The following ASTN2 variants were observed in gnomAD, a reference collection of about 807,000 sequenced individuals.
ASTN2 encodes the protein astrotactin 2.
In ASTN2, 54 loss-of-function variants were observed where a neutral mutation model predicts 139.8. That is an observed-to-expected ratio of 0.39 (90% confidence interval 0.31 to 0.48). The LOEUF (loss-of-function observed/expected upper bound fraction) is 0.48. ASTN2 is among the 20% of genes least tolerant of loss of function. The probability of loss-of-function intolerance (pLI) is 0.95; values close to 1 mark genes in which losing one functional copy is unlikely to be tolerated. For missense variants in ASTN2, 1,565 were observed against 1,725.1 expected (o/e 0.91, Z 1.64); for synonymous variants, 756 against 719.5 (o/e 1.05, Z -0.81).
chr9:116,999,695 G>A (rs7848727), intron 7 of ASTN2, among the ~76,000 whole-genome samples: 1 of 151,216 alleles, frequency 6.6e-6, no homozygotes, highest in Non-Finnish European at 1.5e-5. Flanking sequence ...AAGTAGCTGA[G>A]ATTATGGGCA....
At chr9:116,510,241 C>G (rs1386235569) in intron 19 of ASTN2, among the ~76,000 whole-genome samples, 1 of 152,186 alleles carries the variant, frequency 6.6e-6, no homozygotes, top group Non-Finnish European at 1.5e-5. Context: ...CCAGTTTTCC[C>G]AGCACCATTT....
At chr9:116,568,060 T>C (rs1853324126) in intron 19 of ASTN2, among the ~76,000 whole-genome samples, 1 of 152,238 alleles carries the variant, frequency 6.6e-6, no homozygotes, top group Admixed American at 6.5e-5. Context: ...GCTGAAACTA[T>C]AATTCAGGTA....
intron 19 of ASTN2, among the ~76,000 whole-genome samples, chr9:116,553,604 G>A (rs1042609085): frequency 1.3e-5 from 2 of 152,154 alleles, no homozygotes. Context: ...ATTGGCTTGG[G>A]GATCAGGAAG....
rs1414191285 is a variant in ASTN2, at chr9:116,692,333, T to C, written c.2806+33438A>G. On this transcript the variant is annotated intron_variant, in intron 16 of 22. Transcript: ENST00000313400. The stretch of plus-strand genomic sequence containing the variant: ...ATCTGGGGCCTTGGGTACAGTCTGC[T>C]GAAAAGTGCCTATTCATTTCTTCTA... 5.9e-5 allele frequency among the ~76,000 whole-genome samples: 9 copies of C among 152,228 alleles called. No homozygotes were observed. In the East Asian group the frequency reaches 1.2e-3, roughly 20 times the overall value.
intron 22 of ASTN2, among the ~76,000 whole-genome samples, chr9:116,439,594 C>T (rs1239103976): frequency 1.3e-5 from 2 of 152,130 alleles, no homozygotes; most frequent in Non-Finnish European, 1.5e-5. Flanking sequence ...AAGTGGTAGG[C>T]AAGTGATCAA....
intron 6 of ASTN2, among the ~76,000 whole-genome samples, chr9:117,015,566 C>A (rs1472405644): frequency 6.6e-6 from 1 of 152,172 alleles, no homozygotes; most frequent in Non-Finnish European, 1.5e-5. Context: ...ATCCACTCCC[C>A]AGATACCAAG....
intron 19 of ASTN2, among the ~76,000 whole-genome samples, chr9:116,490,272 TAAAAAAAAAAAAAA>T (rs140391473): frequency 5.0e-4 from 19 of 37,906 alleles, no homozygotes; most frequent in Admixed American, 1.9e-3. Flanking sequence ...TGATAAAAAG[TAAAAAAAAAAAAAA>T]AAAAAAAAAA....
At chr9:117,340,331 CAAAAAAAAA>C (rs56228779) in intron 1 of ASTN2, among the ~76,000 whole-genome samples, 6 of 40,210 alleles carry the variant, frequency 1.5e-4, no homozygotes, top group African/African-American at 5.2e-4. Context: ...GACTCAGTCT[CAAAAAAAAA>C]AAAAAAAAAA....
chr9:117,405,630 C>A (rs1830961502), intron 1 of ASTN2, among the ~76,000 whole-genome samples: 1 of 152,170 alleles, frequency 6.6e-6, no homozygotes, highest in Non-Finnish European at 1.5e-5. Flanking sequence ...GATCTGGCAT[C>A]TGCTTTACCA....
chr9:116,794,861 T>C (rs1830650211), intron 13 of ASTN2, among the ~76,000 whole-genome samples: 1 of 152,216 alleles, frequency 6.6e-6, no homozygotes, highest in African/African-American at 2.4e-5. Context: ...GCGAGACTGA[T>C]GTGCAGTCCA....
intron 19 of ASTN2, among the ~76,000 whole-genome samples, chr9:116,535,109 T>C (rs1049547405): frequency 1.3e-5 from 2 of 152,246 alleles, no homozygotes; most frequent in Non-Finnish European, 2.9e-5. Flanking sequence ...CCTTTACCAT[T>C]ATGTAATGGC....
chr9:116,961,293 CCAT>C (rs1008196241), intron 10 of ASTN2, among the ~76,000 whole-genome samples: 75 of 149,954 alleles, frequency 5.0e-4, no homozygotes, highest in African/African-American at 1.8e-3. Context: ...TATTGGTGTG[CCAT>C]CATCACCACC....
intron 1 of ASTN2, among the ~76,000 whole-genome samples, chr9:117,412,642 A>G (rs1831199900): frequency 6.6e-6 from 1 of 152,150 alleles, no homozygotes; most frequent in Non-Finnish European, 1.5e-5. Context: ...GGCCATACCC[A>G]AGGACCGTCT....
chr9:116,606,053 C>T (rs1855179965), intron 19 of ASTN2, among the ~76,000 whole-genome samples: 1 of 152,120 alleles, frequency 6.6e-6, no homozygotes, highest in Non-Finnish European at 1.5e-5. Context: ...TTCTTACTCC[C>T]ACATCTACCC....
chr9:117,003,974 G>A (rs1366164675), intron 7 of ASTN2, among the ~76,000 whole-genome samples: 27 of 148,532 alleles, frequency 1.8e-4, no homozygotes, highest in Admixed American at 1.7e-3. Flanking sequence ...GTGTGTGTGT[G>A]TGTTTTGCGT....
intron 1 of ASTN2, among the ~76,000 whole-genome samples, chr9:117,368,241 G>A (rs567133262): frequency 6.6e-6 from 1 of 152,052 alleles, no homozygotes; most frequent in South Asian, 2.1e-4. Context: ...CAAATAGGGG[G>A]GTTTTGGAAA....
At chr9:117,287,879 C>G (rs932801145) in intron 2 of ASTN2, among the ~76,000 whole-genome samples, 1 of 152,138 alleles carries the variant, frequency 6.6e-6, no homozygotes, top group Non-Finnish European at 1.5e-5. Flanking sequence ...ACTCTTTTCT[C>G]CACTCTTTTC....
chr9:116,932,964 C>T (rs912069018), intron 10 of ASTN2, among the ~76,000 whole-genome samples: 1 of 140,008 alleles, frequency 7.1e-6, no homozygotes, highest in Non-Finnish European at 1.5e-5. Flanking sequence ...CAAGATTGAG[C>T]CACTGCACTC....
In ASTN2 at chr9:116,879,386, G is replaced by A. The variant is rs573791385; in HGVS notation, c.1890-15653C>T. Reference sequence around the variant, plus strand: ...AGACAGACAGACAGACAGACAGACAGAGAATTCATTGTTTTGAACCTGAGG... The same window carrying A: ...AGACAGACAGACAGACAGACAGACAAAGAATTCATTGTTTTGAACCTGAGG... On this transcript the variant is annotated intron_variant, in intron 10 of 22. Coordinates refer to ENST00000313400, the MANE Select transcript of ASTN2 (RefSeq NM_001365068.1). Among the ~76,000 whole-genome samples the A allele has an allele frequency of 2.1e-4, 30 of 140,150 alleles. 1 individual carries two copies. In the South Asian group the frequency reaches 6.6e-3, roughly 31 times the overall value. 91.9% of individuals were successfully genotyped at this position (140,150 alleles called of 152,430 possible). A position where few individuals can be genotyped will look rare whatever the true frequency, so the allele number is the denominator to read the frequency against.
Sources: allele counts gnomAD v4.1 joint callset (sites outside exome capture counted in the v4.1 genomes callset), GRCh38; gene constraint gnomAD v4.1.1; transcripts MANE v1.5; gene names NCBI Gene and HGNC (gene_info 2026-07-23, HGNC 2026-07-21).